PDE4D: variants seen among roughly 807,000 people sequenced by gnomAD.
PDE4D encodes the protein 3',5'-cyclic-AMP phosphodiesterase 4D.
In PDE4D, 24 loss-of-function variants were observed where a neutral mutation model predicts 87.4. The observed-to-expected ratio is 0.27, with a 90% CI of 0.20 to 0.39. The LOEUF is 0.39. Ranked by LOEUF, PDE4D falls within the 10% of genes least tolerant of loss-of-function variation. PDE4D has a pLI of 1.00. For missense variants in PDE4D, 714 were observed against 1,041.0 expected, an observed-to-expected ratio of 0.69 and a Z score of 4.32; for synonymous variants, 384 against 383.2, an observed-to-expected ratio of 1.00 and a Z score of -0.02.
In PDE4D at chr5:60,210,125, A is replaced by G. The variant is rs570608023; in HGVS notation, c.-89-24438T>C. Among the ~76,000 whole-genome samples the G allele has an allele frequency of 4.6e-5, 7 of 152,292 alleles. No homozygotes were observed. In the East Asian group the frequency reaches 7.7e-4, roughly 17 times the overall value. On this transcript the variant is annotated intron_variant, in intron 1 of 16. Coordinates refer to the PDE4D transcript ENST00000502484. ...AAATTGGGAAAAAAATAATACTGCC[A>G]GTTTCCTTAACTACTTAACAAATGT...
intron 1 of PDE4D, among the ~76,000 whole-genome samples, chr5:59,693,773 T>A (rs1751338581): frequency 6.6e-6 from 1 of 152,200 alleles, no homozygotes; most frequent in African/African-American, 2.4e-5. Flanking sequence ...GTGATGATAA[T>A]AAGGTTCTGT....
At chr5:59,187,182 A>C (rs957453253) in intron 3 of PDE4D, among the ~76,000 whole-genome samples, 7 of 152,184 alleles carry the variant, frequency 4.6e-5, no homozygotes, top group Non-Finnish European at 1.0e-4. Flanking sequence ...CAGTCATGAA[A>C]AGAAAAATTA....
intron 1 of PDE4D, chr5:59,587,543 G>T (rs1377322122): frequency 1.0e-6 from 1 of 985,352 alleles, no homozygotes; most frequent in Non-Finnish European, 1.2e-6. Flanking sequence ...CCTCGCAGCC[G>T]CCTTGTCTGC....
intron 5 of PDE4D, among the ~76,000 whole-genome samples, chr5:59,104,616 A>AT (rs1246679585): frequency 6.6e-6 from 1 of 152,188 alleles, no homozygotes; most frequent in African/African-American, 2.4e-5. Context: ...AATCAAAGTA[A>AT]GTAGAAAAAG....
At chr5:60,472,581 T>C (rs369575762) in intron 1 of PDE4D, among the ~76,000 whole-genome samples, 1 of 152,156 alleles carries the variant, frequency 6.6e-6, no homozygotes, top group Non-Finnish European at 1.5e-5. Flanking sequence ...CTCCCTCTCT[T>C]ACCCTAAAGC....
At chr5:59,709,596 T>C (rs534679970) in intron 1 of PDE4D, among the ~76,000 whole-genome samples, 28 of 152,272 alleles carry the variant, frequency 1.8e-4, no homozygotes, top group Admixed American at 3.3e-4. Context: ...TTGAAAAACC[T>C]GGGGACAGCT....
At chr5:59,762,371 CATGTGTAT>C (rs368631029) in intron 1 of PDE4D, among the ~76,000 whole-genome samples, 4,115 of 74,232 alleles carry the variant, frequency 0.055, 513 homozygotes, top group Middle Eastern at 0.14. Context: ...TATGGGTACA[CATGTGTAT>C]ATGTGTATAT....
intron 1 of PDE4D, among the ~76,000 whole-genome samples, chr5:59,241,881 G>C (rs1561791790): frequency 6.6e-6 from 1 of 152,150 alleles, no homozygotes; most frequent in East Asian, 1.9e-4. Context: ...TCTTTAGGAG[G>C]AAATAGCCAC....
chr5:59,092,107 C>G (rs1768858510), intron 5 of PDE4D, among the ~76,000 whole-genome samples: 1 of 152,178 alleles, frequency 6.6e-6, no homozygotes, highest in Non-Finnish European at 1.5e-5. Flanking sequence ...TCAGTGATCT[C>G]TAAGCCATGT....
intron 3 of PDE4D, among the ~76,000 whole-genome samples, chr5:59,951,881 C>T (rs868476272): frequency 6.6e-6 from 1 of 152,146 alleles, no homozygotes; most frequent in Non-Finnish European, 1.5e-5. Context: ...TAAATATCCC[C>T]GTTAAACATC....
At chr5:60,033,607 A>G (rs140756842) in intron 2 of PDE4D, among the ~76,000 whole-genome samples, 1 of 152,326 alleles carries the variant, frequency 6.6e-6, no homozygotes, top group East Asian at 1.9e-4. Context: ...ATTAACTTCC[A>G]TGCTAATTAA....
intron 3 of PDE4D, among the ~76,000 whole-genome samples, chr5:59,933,856 A>C (rs1190292770): frequency 1.3e-5 from 2 of 152,020 alleles, no homozygotes; most frequent in Non-Finnish European, 2.9e-5. Context: ...TATGCAAATT[A>C]GTTAACTTTT....
chr5:59,282,743 G>A (rs1292506733), intron 1 of PDE4D, among the ~76,000 whole-genome samples: 1 of 151,658 alleles, frequency 6.6e-6, no homozygotes, highest in African/African-American at 2.4e-5. Flanking sequence ...CTGATGTAAT[G>A]GGAAATGTTG....
At chr5:59,470,396 T>C (rs899481342) in intron 1 of PDE4D, among the ~76,000 whole-genome samples, 1 of 152,212 alleles carries the variant, frequency 6.6e-6, no homozygotes, top group Non-Finnish European at 1.5e-5. Flanking sequence ...GTTAATAAGA[T>C]AACATTCTGT....
chr5:60,157,862 T>C, intron 2 of PDE4D, among the ~76,000 whole-genome samples: 1 of 151,830 alleles, frequency 6.6e-6, no homozygotes, highest in Non-Finnish European at 1.5e-5. Flanking sequence ...CTTTTCTTTT[T>C]TCTTTTTTCT....
chr5:60,153,310 C>T (rs1781679461), intron 2 of PDE4D, among the ~76,000 whole-genome samples: 1 of 152,102 alleles, frequency 6.6e-6, no homozygotes, highest in Admixed American at 6.5e-5. Context: ...AAATGCAAAT[C>T]AAAACCACAA....
At chr5:60,110,059 CT>C (rs2149355257) in intron 2 of PDE4D, among the ~76,000 whole-genome samples, 1 of 151,968 alleles carries the variant, frequency 6.6e-6, no homozygotes, top group Non-Finnish European at 1.5e-5. Context: ...TGGGTGGTTG[CT>C]TTTCTGGAAT....
At chr5:60,172,414 AC>A (rs1181108316) in intron 2 of PDE4D, among the ~76,000 whole-genome samples, 1 of 151,764 alleles carries the variant, frequency 6.6e-6, no homozygotes, top group African/African-American at 2.4e-5. Context: ...TCTGGGAAAT[AC>A]CTCCAAAGGG....
chr5:60,442,401 G>A (rs1745302381), intron 1 of PDE4D, among the ~76,000 whole-genome samples: 1 of 151,968 alleles, frequency 6.6e-6, no homozygotes, highest in African/African-American at 2.4e-5. Flanking sequence ...GAGAACACAT[G>A]GACACAGGGA....
Sources: allele counts gnomAD v4.1 joint callset (sites outside exome capture counted in the v4.1 genomes callset), GRCh38; gene constraint gnomAD v4.1.1; transcripts MANE v1.5; gene names NCBI Gene and HGNC (gene_info 2026-07-23, HGNC 2026-07-21).